The following CNTN6 variants were observed in gnomAD, a reference collection of about 807,000 sequenced individuals.
The protein encoded by CNTN6 is contactin 6.
In CNTN6, 137 loss-of-function variants were observed where a neutral mutation model predicts 122.8. That is an observed-to-expected ratio of 1.12 (90% CI 0.97 to 1.29). CNTN6 has a LOEUF of 1.29. Among genes scored for constraint, CNTN6 ranks in the 50% most tolerant of loss-of-function variants. The pLI is 0.00. For missense variants in CNTN6, 1,634 were observed against 1,223.4 expected (o/e 1.34, Z -5.01); for synonymous variants, 570 against 426.0 (o/e 1.34, Z -4.16).
intron 2 of CNTN6, among the ~76,000 whole-genome samples, chr3:1,167,826 T>G (rs1176055372): frequency 6.6e-6 from 1 of 152,184 alleles, no homozygotes; most frequent in Non-Finnish European, 1.5e-5. Context: ...CAACATATAT[T>G]GAGCACTCAT....
chr3:1,108,151 A>C (rs1460864007), intron 1 of CNTN6, among the ~76,000 whole-genome samples: 1 of 152,012 alleles, frequency 6.6e-6, no homozygotes, highest in Non-Finnish European at 1.5e-5. Context: ...ATGTTTTTTA[A>C]CCTTGGGTAG....
rs2126135480 is a variant in CNTN6, at chr3:1,371,273, C to G, written c.1493-1026C>G. Among the ~76,000 whole-genome samples, 2 of 151,994 alleles carry G rather than the reference C, an allele frequency of 1.3e-5. 1 individual carries two copies. Among genetic ancestry groups the G allele is most frequent in the Middle Eastern group, 6.8e-3 (2 of 294 alleles). ...CATTTCTTAGAGAGCTAAACTTTATCTTATAAATTACCCATGGAGAAATAG... is the reference window on the plus strand; with the variant it reads ...CATTTCTTAGAGAGCTAAACTTTATGTTATAAATTACCCATGGAGAAATAG... On this transcript the variant is annotated intron_variant, in intron 12 of 22. Transcript: ENST00000446702.
chr3:1,383,347 T>C lies in CNTN6; in HGVS notation c.2456T>C (p.Met819Thr). 6.2e-7 allele frequency: 1 copy of C among 1,614,062 alleles called. No individual in the cohort carries two copies. The highest frequency in any genetic ancestry group is 8.5e-7 in the Non-Finnish European group (1 of 1,179,912). The part of the protein sequence containing the change: ...TSLQSFSASE[M>T]EVSWNAIAWN... ...CTCCAGAGTTTTTCTGCTTCTGAAATGGAGGTTTCATGGAATGCTATTGCC... is the reference window on the plus strand; with the variant it reads ...CTCCAGAGTTTTTCTGCTTCTGAAACGGAGGTTTCATGGAATGCTATTGCC... Residue 819 changes from methionine to threonine, a missense_variant, in exon 19 of 23, where the codon ATG (methionine) becomes ACG (threonine). Transcript: ENST00000446702.
intron 5 of CNTN6, among the ~76,000 whole-genome samples, chr3:1,294,977 G>C (rs1388535408): frequency 3.3e-5 from 5 of 152,294 alleles, no homozygotes; most frequent in Admixed American, 6.5e-5. Context: ...AATCAGGCCA[G>C]TGCAGTGGCT....
At chr3:1,202,213 TGAG>T (rs1480142447) in intron 2 of CNTN6, among the ~76,000 whole-genome samples, 1 of 152,132 alleles carries the variant, frequency 6.6e-6, no homozygotes, top group Non-Finnish European at 1.5e-5. Context: ...TGACTAGGAA[TGAG>T]GAGAAGGAAA....
intron 4 of CNTN6, among the ~76,000 whole-genome samples, chr3:1,268,082 G>T (rs1278585622): frequency 6.6e-6 from 1 of 152,158 alleles, no homozygotes; most frequent in Non-Finnish European, 1.5e-5. Flanking sequence ...TGACTACAAA[G>T]GTTTTGGCAC....
intron 12 of CNTN6, among the ~76,000 whole-genome samples, chr3:1,367,926 G>C (rs1708474750): frequency 6.6e-6 from 1 of 152,212 alleles, no homozygotes; most frequent in Non-Finnish European, 1.5e-5. Flanking sequence ...GCCGGAGGCT[G>C]TCTCTGTGGG....
At chr3:1,330,114 A>G (rs1436095510) in intron 11 of CNTN6, among the ~76,000 whole-genome samples, 179 bp downstream of exon 11, 1 of 151,888 alleles carries the variant, frequency 6.6e-6, no homozygotes, top group Non-Finnish European at 1.5e-5. Flanking sequence ...GGATCTTATA[A>G]AATAAAGACC....
At chr3:1,218,998 G>T (rs1236692216) in intron 2 of CNTN6, among the ~76,000 whole-genome samples, 1 of 44,504 alleles carries the variant, frequency 2.2e-5, no homozygotes, top group African/African-American at 4.2e-4. Flanking sequence ...ACATGCCAAA[G>T]GCAAGCCATT....
intron 1 of CNTN6, among the ~76,000 whole-genome samples, chr3:1,096,988 A>G (rs1368850509): frequency 6.6e-6 from 1 of 152,246 alleles, no homozygotes; most frequent in Non-Finnish European, 1.5e-5. Flanking sequence ...AAGGAGTTTT[A>G]AATAGCAATC....
intron 5 of CNTN6, among the ~76,000 whole-genome samples, chr3:1,288,311 A>C (rs550439686): frequency 8.4e-6 from 1 of 119,330 alleles, no homozygotes; most frequent in South Asian, 3.0e-4. Context: ...AACGAATGGG[A>C]ATTCAAATAG....
intron 5 of CNTN6, among the ~76,000 whole-genome samples, chr3:1,289,903 T>C (rs904340345): frequency 1.3e-5 from 2 of 152,180 alleles, no homozygotes; most frequent in Non-Finnish European, 2.9e-5. Context: ...CTCGATCTCC[T>C]GACCTCGTGA....
intron 2 of CNTN6, among the ~76,000 whole-genome samples, chr3:1,217,215 G>A (rs1234944088): frequency 6.6e-6 from 1 of 152,150 alleles, no homozygotes; most frequent in Non-Finnish European, 1.5e-5. Context: ...CAAGAAGTCT[G>A]ACCTGAGTGG....
At chr3:1,094,884 T>G (rs1250353004) in intron 1 of CNTN6, among the ~76,000 whole-genome samples, 1 of 152,032 alleles carries the variant, frequency 6.6e-6, no homozygotes, top group Non-Finnish European at 1.5e-5. Context: ...TTTATTTTAA[T>G]AACATATTAA....
intron 2 of CNTN6, among the ~76,000 whole-genome samples, chr3:1,161,335 T>C (rs971576074): frequency 6.6e-6 from 1 of 150,602 alleles, no homozygotes; most frequent in Non-Finnish European, 1.5e-5. Context: ...ACAATTCCAA[T>C]TGTCAGGTCA....
At chr3:1,304,681 G>T (rs373417102) in intron 7 of CNTN6, among the ~76,000 whole-genome samples, 2 of 152,168 alleles carry the variant, frequency 1.3e-5, no homozygotes, top group East Asian at 3.9e-4. Context: ...CAACAAGTAA[G>T]TTTTAATTTT....
intron 11 of CNTN6, among the ~76,000 whole-genome samples, chr3:1,335,308 A>G (rs796163541): frequency 1.1e-4 from 17 of 152,320 alleles, no homozygotes; most frequent in African/African-American, 4.1e-4. Flanking sequence ...CCAGTTGTGC[A>G]TGCTTTTACC....
chr3:1,149,117 A>G (rs1021386052), intron 2 of CNTN6, among the ~76,000 whole-genome samples: 2 of 152,202 alleles, frequency 1.3e-5, no homozygotes, highest in African/African-American at 4.8e-5. Flanking sequence ...TAAAAAGGCC[A>G]TAGAAATAAT....
At chr3:1,301,640 T>C (rs1697439801) in intron 7 of CNTN6, among the ~76,000 whole-genome samples, 1 of 152,160 alleles carries the variant, frequency 6.6e-6, no homozygotes, top group African/African-American at 2.4e-5. Context: ...TTAATCAATG[T>C]TGAGATTATG....
Sources: allele counts gnomAD v4.1 joint callset (sites outside exome capture counted in the v4.1 genomes callset), GRCh38; gene constraint gnomAD v4.1.1; transcripts MANE v1.5; gene names NCBI Gene and HGNC (gene_info 2026-07-23, HGNC 2026-07-21).